Variants in TOX2 observed in about 807,000 individuals in gnomAD.
TOX2 encodes the protein granulosa cell HMG box 1.
Under a neutral mutation model 47.4 loss-of-function variants are expected in TOX2, and 15 were observed. That is an observed-to-expected ratio of 0.32 (90% confidence interval 0.21 to 0.49). TOX2 has a LOEUF of 0.49. Ranked by LOEUF, TOX2 falls within the 20% of genes least tolerant of loss-of-function variation. TOX2 has a pLI of 0.99. For synonymous variants in TOX2, 290 were observed against 296.6 expected (o/e 0.98, Z 0.23); for missense variants, 622 against 673.1 (o/e 0.92, Z 0.84).
intron 3 of TOX2, among the ~76,000 whole-genome samples, chr20:44,029,029 G>A (rs2071107894): frequency 6.6e-6 from 1 of 152,084 alleles, no homozygotes; most frequent in Admixed American, 6.5e-5. Context: ...TCATCCCCTT[G>A]TGATCTGCCC....
intron 2 of TOX2, among the ~76,000 whole-genome samples, chr20:43,975,968 G>C (rs1291473222): frequency 6.6e-6 from 1 of 152,054 alleles, no homozygotes; most frequent in Non-Finnish European, 1.5e-5. Flanking sequence ...ACTTCCTGAG[G>C]GTCCTTCTAA....
At chr20:43,966,954 C>T (rs888396135) in intron 1 of TOX2, among the ~76,000 whole-genome samples, 20 of 42,358 alleles carry the variant, frequency 4.7e-4, no homozygotes, top group Admixed American at 1.3e-3. Context: ...TTGTGTGACA[C>T]GGACCCACCA....
chr20:43,970,259 A>C (rs752251840), intron 1 of TOX2, among the ~76,000 whole-genome samples: 9 of 152,224 alleles, frequency 5.9e-5, no homozygotes, highest in African/African-American at 1.4e-4. Flanking sequence ...TGGTTTTAGC[A>C]GGGAAAAGAA....
chr20:44,008,303 C>G (rs1313494634), intron 3 of TOX2, among the ~76,000 whole-genome samples: 1 of 151,818 alleles, frequency 6.6e-6, no homozygotes, highest in African/African-American at 2.4e-5. Flanking sequence ...GCTCACAGCT[C>G]TAATCCCAGC....
intron 2 of TOX2, among the ~76,000 whole-genome samples, chr20:44,002,982 G>A (rs2070610036): frequency 6.6e-6 from 1 of 152,124 alleles, no homozygotes; most frequent in South Asian, 2.1e-4. Context: ...CTGTATCAGA[G>A]GGTAAGTAAT....
rs2069050757 is a variant in TOX2, at chr20:43,915,978, C to T, written c.99+988C>T. Reference sequence around the variant, plus strand: ...GGTCCCACTGCCGGGTCTGGCCCAGCCTGGATGGGTTGGGTGCCTCTAAGC... The same window carrying T: ...GGTCCCACTGCCGGGTCTGGCCCAGTCTGGATGGGTTGGGTGCCTCTAAGC... On this transcript the variant is annotated intron_variant, in intron 1 of 8. Transcript: ENST00000341197. The surrounding 1 kb of genome is among the most constrained non-coding windows in gnomAD (Gnocchi z 7.1). Among the ~76,000 whole-genome samples the T allele has an allele frequency of 6.6e-6, 1 of 152,262 alleles. No homozygotes were observed. The highest frequency in any genetic ancestry group is 6.5e-5 in the Admixed American group (1 of 15,292).
At chr20:43,925,911 C>T (rs745945732) in intron 1 of TOX2, among the ~76,000 whole-genome samples, 12 of 152,166 alleles carry the variant, frequency 7.9e-5, no homozygotes, top group Non-Finnish European at 1.6e-4. Flanking sequence ...GAATTTGGCC[C>T]GAGCTTGCTC....
At chr20:43,999,540 C>T (rs181966890) in intron 2 of TOX2, among the ~76,000 whole-genome samples, 121 of 152,168 alleles carry the variant, frequency 8.0e-4, no homozygotes, top group Middle Eastern at 3.4e-3. Flanking sequence ...GGGAAAAACT[C>T]CTAAACTGAA....
intron 1 of TOX2, among the ~76,000 whole-genome samples, chr20:43,940,525 CT>C (rs11481268): frequency 1.5e-3 from 223 of 147,640 alleles, no homozygotes; most frequent in East Asian, 2.2e-3. Flanking sequence ...CACCTGGCAA[CT>C]TTTTTTTTTT....
chr20:44,030,500 G>A (rs894101360), intron 3 of TOX2, among the ~76,000 whole-genome samples: 1 of 152,200 alleles, frequency 6.6e-6, no homozygotes, highest in African/African-American at 2.4e-5. Flanking sequence ...CCCTGCCTGT[G>A]ACTCTAAGCT....
At chr20:44,035,396 CCTT>C (rs2071223343) in intron 3 of TOX2, among the ~76,000 whole-genome samples, 1 of 152,096 alleles carries the variant, frequency 6.6e-6, no homozygotes, top group Non-Finnish European at 1.5e-5. Context: ...GACACCCTCA[CCTT>C]CTTCACCAGC....
At chr20:44,021,277 G>C (rs2070971460) in intron 3 of TOX2, among the ~76,000 whole-genome samples, 1 of 152,214 alleles carries the variant, frequency 6.6e-6, no homozygotes, top group African/African-American at 2.4e-5. Flanking sequence ...TAGGAGGACA[G>C]AGTGTGAGCA....
At chr20:43,924,342 TG>T (rs2069142269) in intron 1 of TOX2, among the ~76,000 whole-genome samples, 1 of 150,788 alleles carries the variant, frequency 6.6e-6, no homozygotes, top group Non-Finnish European at 1.5e-5. Flanking sequence ...GGAAGACAAA[TG>T]GTAATTAATG....
chr20:44,039,846 A>G (rs754207942), intron 3 of TOX2, among the ~76,000 whole-genome samples: 38 of 152,174 alleles, frequency 2.5e-4, no homozygotes, highest in Admixed American at 4.6e-4. Flanking sequence ...CCAGTTGGTC[A>G]GCACTTCCAG....
chr20:43,926,718 A>C lies in TOX2; in HGVS notation c.99+11728A>C, dbSNP rs146345049. Among the ~76,000 whole-genome samples the C allele has an allele frequency of 5.9e-5, 9 of 152,216 alleles. No individual in the cohort carries two copies. In the South Asian group the frequency reaches 1.9e-3, roughly 32 times the overall value. On this transcript the variant is annotated intron_variant, in intron 1 of 8. Coordinates refer to ENST00000341197, the MANE Select transcript of TOX2 (RefSeq NM_001098797.2). The stretch of plus-strand genomic sequence containing the variant: ...TATCAGTTCCCTTCTTTCTCATTGC[A>C]ATTCCCACAGGGAGTTTTTAAGGAC...
chr20:44,001,475 T>A (rs1033024819), intron 2 of TOX2, among the ~76,000 whole-genome samples: 2 of 152,270 alleles, frequency 1.3e-5, no homozygotes, highest in Non-Finnish European at 2.9e-5. Context: ...TGTTCATGTT[T>A]GCGTGCTTAG....
At chr20:44,004,472 C>G (rs2070642685) in intron 2 of TOX2, among the ~76,000 whole-genome samples, 1 of 152,148 alleles carries the variant, frequency 6.6e-6, no homozygotes, top group South Asian at 2.1e-4. Context: ...GACTGTTTGC[C>G]CATCTATGAG....
intron 2 of TOX2, among the ~76,000 whole-genome samples, chr20:43,979,175 C>G (rs763025105): frequency 6.6e-6 from 1 of 152,044 alleles, no homozygotes; most frequent in African/African-American, 2.4e-5. Flanking sequence ...TGGAGATGTT[C>G]AAGTAGATAG....
chr20:44,012,998 T>G (rs561522550), intron 3 of TOX2, among the ~76,000 whole-genome samples: 23 of 152,174 alleles, frequency 1.5e-4, no homozygotes, highest in Non-Finnish European at 2.8e-4. Context: ...TGGACTAGGC[T>G]GTTGGGGAAG....
Sources: gnomAD v4.1 joint callset for allele counts (sites outside exome capture counted in the v4.1 genomes callset) on GRCh38, gnomAD v4.1.1 for gene constraint, Gnocchi (gnomAD v3.1) non-coding constraint, MANE v1.5 for transcripts, NCBI Gene and HGNC (gene_info 2026-07-23, HGNC 2026-07-21) for gene names.